LRRC7: variants seen among roughly 807,000 people sequenced by gnomAD.
LRRC7 encodes leucine rich repeat containing 7.
Under a neutral mutation model 175.7 loss-of-function variants are expected in LRRC7, and 23 were observed. The ratio of observed to expected loss-of-function variants is 0.13; its 90% CI spans 0.09 to 0.19. The LOEUF (loss-of-function observed/expected upper bound fraction) is 0.19. LRRC7 is among the 10% of genes least tolerant of loss of function. LRRC7 has a pLI of 1.00. For synonymous variants in LRRC7, 685 were observed against 680.9 expected (o/e 1.01, Z -0.09); for missense variants, 1,354 against 1,904.7 (o/e 0.71, Z 5.38).
intron 1 of LRRC7, among the ~76,000 whole-genome samples, chr1:69,649,344 T>C (rs529874555): frequency 6.6e-6 from 1 of 152,264 alleles, no homozygotes; most frequent in African/African-American, 2.4e-5. Flanking sequence ...TCCCTCAATT[T>C]TGAAGGGAGA....
At chr1:69,865,566 T>C (rs561847382) in intron 7 of LRRC7, among the ~76,000 whole-genome samples, 46 of 136,840 alleles carry the variant, frequency 3.4e-4, no homozygotes, top group South Asian at 2.2e-3. Flanking sequence ...CTGCAAGCTC[T>C]GCCTCCCGGG....
intron 8 of LRRC7, among the ~76,000 whole-genome samples, chr1:69,966,112 A>G (rs1036544520): frequency 1.1e-4 from 16 of 152,146 alleles, no homozygotes; most frequent in African/African-American, 3.9e-4. Context: ...CAAAATTTAG[A>G]AAAAAATGTA....
At chr1:69,681,448 T>C (rs1660479790) in intron 2 of LRRC7, among the ~76,000 whole-genome samples, 1 of 152,186 alleles carries the variant, frequency 6.6e-6, no homozygotes, top group African/African-American at 2.4e-5. Flanking sequence ...TGTTTTCTTT[T>C]ATAATTCTCT....
chr1:69,887,288 C>A (rs1377859263), intron 7 of LRRC7, among the ~76,000 whole-genome samples: 1 of 126,676 alleles, frequency 7.9e-6, no homozygotes, highest in Non-Finnish European at 1.6e-5. Flanking sequence ...TTCACATAGT[C>A]CCATATTTCT....
intron 1 of LRRC7, among the ~76,000 whole-genome samples, chr1:69,626,936 G>T (rs1433916844): frequency 6.6e-6 from 1 of 152,050 alleles, no homozygotes; most frequent in Non-Finnish European, 1.5e-5. Context: ...GTATTCCATA[G>T]TGTATATGTG....
chr1:69,760,586 A>G (rs1005407398), intron 3 of LRRC7, among the ~76,000 whole-genome samples, 193 bp downstream of exon 3: 1 of 151,972 alleles, frequency 6.6e-6, no homozygotes, highest in Non-Finnish European at 1.5e-5. Flanking sequence ...GGCCTCTGTT[A>G]ATAACAAATT....
At chr1:69,657,556 T>TC (rs1656832381) in intron 1 of LRRC7, among the ~76,000 whole-genome samples, 1 of 151,874 alleles carries the variant, frequency 6.6e-6, no homozygotes, top group Non-Finnish European at 1.5e-5. Flanking sequence ...ATTGTATTTT[T>TC]CCCCGATGTG....
At chr1:69,779,238 C>G (rs1483204145) in intron 3 of LRRC7, among the ~76,000 whole-genome samples, 1 of 152,068 alleles carries the variant, frequency 6.6e-6, no homozygotes, top group African/African-American at 2.4e-5. Context: ...CAAAGGCACA[C>G]CTATGAACAA....
At chr1:69,839,139 T>C (rs1039654009) in intron 7 of LRRC7, 1 of 190,090 alleles carries the variant, frequency 5.3e-6, no homozygotes, top group African/African-American at 2.4e-5. Flanking sequence ...AATGTAACCT[T>C]ATTTTTTACT....
intron 26 of LRRC7, among the ~76,000 whole-genome samples, chr1:70,111,571 T>C (rs578167197): frequency 6.6e-6 from 1 of 152,316 alleles, no homozygotes; most frequent in South Asian, 2.1e-4. Context: ...TCATAGTTTC[T>C]TTTTTCTAAT....
At chr1:70,087,096 T>G (rs1231404615) in intron 24 of LRRC7, among the ~76,000 whole-genome samples, 1 of 152,218 alleles carries the variant, frequency 6.6e-6, no homozygotes, top group African/African-American at 2.4e-5. Context: ...AACTACAGTG[T>G]CATCATTATT....
chr1:69,696,300 T>C (rs1487493005), intron 2 of LRRC7, among the ~76,000 whole-genome samples: 1 of 152,220 alleles, frequency 6.6e-6, no homozygotes, highest in Admixed American at 6.5e-5. Flanking sequence ...TTCAGACTTG[T>C]GTGGAACCTA....
chr1:69,604,784 C>A (rs1387110404), intron 1 of LRRC7, among the ~76,000 whole-genome samples: 3 of 151,980 alleles, frequency 2.0e-5, no homozygotes, highest in African/African-American at 2.4e-5. Flanking sequence ...CTTCTTGCCA[C>A]GTTAAGATTT....
At chr1:69,743,646 T>C (rs1218051997) in intron 2 of LRRC7, among the ~76,000 whole-genome samples, 1 of 151,984 alleles carries the variant, frequency 6.6e-6, no homozygotes, top group Non-Finnish European at 1.5e-5. Flanking sequence ...TAGATGATGC[T>C]TCCAAAGGTT....
chr1:69,626,658 G>T (rs1391037155), intron 1 of LRRC7, among the ~76,000 whole-genome samples: 1 of 151,490 alleles, frequency 6.6e-6, no homozygotes, highest in Non-Finnish European at 1.5e-5. Flanking sequence ...CTGGTGTGCT[G>T]CACCCATTAA....
At chr1:69,964,719 T>G (rs1466521761) in intron 8 of LRRC7, among the ~76,000 whole-genome samples, 4 of 152,240 alleles carry the variant, frequency 2.6e-5, no homozygotes, top group Admixed American at 2.6e-4. Flanking sequence ...CTTAACTTCC[T>G]GTGACTTTCC....
At chr1:69,631,026 T>C (rs1317498166) in intron 1 of LRRC7, among the ~76,000 whole-genome samples, 1 of 142,454 alleles carries the variant, frequency 7.0e-6, no homozygotes, top group Non-Finnish European at 1.6e-5. Context: ...CTTTTTTTCA[T>C]TTTTTTTTAT....
intron 13 of LRRC7, among the ~76,000 whole-genome samples, chr1:70,013,541 T>A (rs12033380): frequency 0.077 from 11,779 of 151,994 alleles, 520 homozygotes; most frequent in African/African-American, 0.13. Context: ...AAGTGCTCAT[T>A]AGAATACTGA....
intron 7 of LRRC7, among the ~76,000 whole-genome samples, chr1:69,854,036 T>A (rs1683306433): frequency 1.3e-5 from 2 of 152,204 alleles, no homozygotes; most frequent in African/African-American, 2.4e-5. Flanking sequence ...TCAGCATAGT[T>A]CCAACTGTGG....
Sources: allele counts gnomAD v4.1 joint callset (sites outside exome capture counted in the v4.1 genomes callset), GRCh38; gene constraint gnomAD v4.1.1; transcripts MANE v1.5; gene names NCBI Gene and HGNC (gene_info 2026-07-23, HGNC 2026-07-21).